EXOC6B: variants seen among roughly 807,000 people sequenced by gnomAD.
EXOC6B encodes exocyst complex component 6B.
Under a neutral mutation model 113.5 loss-of-function variants are expected in EXOC6B, and 54 were observed. The observed-to-expected ratio is 0.48, with a 90% CI of 0.38 to 0.60. The LOEUF (loss-of-function observed/expected upper bound fraction) is 0.60, where lower values mean the gene tolerates loss of function less well. Ranked by LOEUF, EXOC6B falls within the 20% of genes least tolerant of loss-of-function variation. The pLI is 0.00. For synonymous variants in EXOC6B, 357 were observed against 339.0 expected (o/e 1.05, Z -0.58); for missense variants, 797 against 977.5 (o/e 0.82, Z 2.46).
chr2:72,634,460 TC>T (rs1195137463), intron 6 of EXOC6B, among the ~76,000 whole-genome samples: 2 of 151,976 alleles, frequency 1.3e-5, no homozygotes, highest in African/African-American at 4.8e-5. Context: ...CTCCAACACA[TC>T]CCCACCTTAG....
At chr2:72,490,026 C>T (rs1276544535) in intron 16 of EXOC6B, among the ~76,000 whole-genome samples, 1 of 152,032 alleles carries the variant, frequency 6.6e-6, no homozygotes, top group Non-Finnish European at 1.5e-5. Context: ...TAGGAACTTC[C>T]AATTCCTAAG....
chr2:72,586,571 TG>T, intron 6 of EXOC6B, among the ~76,000 whole-genome samples: 2 of 152,012 alleles, frequency 1.3e-5, no homozygotes, highest in East Asian at 3.9e-4. Flanking sequence ...GTCAACATGG[TG>T]AAACCCCGTC....
In EXOC6B at chr2:72,498,544, C is replaced by A. The variant is rs1198659763; in HGVS notation, c.1247G>T (p.Gly416Val). ...VLFADTLQVYGFPVNQLFDML... is the reference protein window; with the variant it reads ...VLFADTLQVYVFPVNQLFDML... ...GTCAAAAAGCTGATTTACAGGGAAA[C>A]CATACACCTGAAACAAAATAAGAAA... Residue 416 changes from glycine (G) to valine (V), a missense_variant, in exon 13 of 22, where the codon GGT becomes GTT. Physicochemically the swap from Gly to Val is moderately radical, Grantham distance 109. Coordinates refer to ENST00000272427, the MANE Select transcript of EXOC6B (RefSeq NM_015189.3). The A allele has an allele frequency of 2.5e-6, 4 of 1,606,426 alleles. No individual in the cohort carries two copies. In the East Asian group the frequency reaches 6.7e-5, roughly 27 times the overall value.
intron 20 of EXOC6B, among the ~76,000 whole-genome samples, chr2:72,302,165 T>A (rs919287620): frequency 1.2e-4 from 19 of 152,346 alleles, no homozygotes; most frequent in African/African-American, 3.6e-4. Context: ...ATTATTTTAA[T>A]CTTGATTTCT....
intron 1 of EXOC6B, among the ~76,000 whole-genome samples, chr2:72,779,099 C>G (rs145877239): frequency 2.0e-5 from 3 of 152,040 alleles, no homozygotes; most frequent in African/African-American, 7.2e-5. Flanking sequence ...CACTTATCAT[C>G]TTGCTAAACC....
intron 4 of EXOC6B, 31 bp downstream of exon 4, chr2:72,731,124 C>A: frequency 6.3e-7 from 1 of 1,591,816 alleles, no homozygotes; most frequent in Non-Finnish European, 8.6e-7. Context: ...AAAATTACAC[C>A]AAGAATCCTT....
intron 18 of EXOC6B, among the ~76,000 whole-genome samples, chr2:72,386,480 T>C (rs2105092108): frequency 6.6e-6 from 1 of 152,162 alleles, no homozygotes; most frequent in African/African-American, 2.4e-5. Flanking sequence ...GGCCCAGAGG[T>C]TTAGGAGGAC....
At chr2:72,617,985 T>C (rs889660623) in intron 6 of EXOC6B, among the ~76,000 whole-genome samples, 5 of 152,140 alleles carry the variant, frequency 3.3e-5, no homozygotes, top group African/African-American at 1.2e-4. Context: ...GACATCTTAG[T>C]TGTTCAGTAA....
intron 1 of EXOC6B, among the ~76,000 whole-genome samples, chr2:72,761,212 A>C (rs1573752850): frequency 1.3e-5 from 2 of 152,208 alleles, no homozygotes; most frequent in East Asian, 1.9e-4. Context: ...AATTTGTTAG[A>C]TATCTACCTG....
intron 19 of EXOC6B, among the ~76,000 whole-genome samples, chr2:72,345,223 CA>C (rs898861522): frequency 4.4e-4 from 67 of 152,264 alleles, no homozygotes; most frequent in African/African-American, 1.6e-3. Flanking sequence ...TTATATCAGA[CA>C]AATTCTGCCA....
At chr2:72,223,919 T>G (rs547204218) in intron 20 of EXOC6B, among the ~76,000 whole-genome samples, 1 of 152,310 alleles carries the variant, frequency 6.6e-6, no homozygotes. Context: ...AAACAGGACA[T>G]TTTGGAATAC....
chr2:72,258,907 T>A (rs868282746), intron 20 of EXOC6B, among the ~76,000 whole-genome samples: 6 of 152,168 alleles, frequency 3.9e-5, no homozygotes, highest in Non-Finnish European at 7.4e-5. Context: ...ACACTCACCA[T>A]CTAAATCTAC....
intron 20 of EXOC6B, among the ~76,000 whole-genome samples, chr2:72,243,012 C>T (rs1319230002): frequency 6.6e-6 from 1 of 152,130 alleles, no homozygotes; most frequent in African/African-American, 2.4e-5. Context: ...AGGCATGAGC[C>T]ACTGTGCCTG....
chr2:72,807,431 G>GTA (rs1213406630), intron 1 of EXOC6B, among the ~76,000 whole-genome samples: 2 of 152,228 alleles, frequency 1.3e-5, no homozygotes, highest in East Asian at 3.9e-4. Context: ...AATCCCTGTA[G>GTA]TATAGTTTGA....
intron 18 of EXOC6B, among the ~76,000 whole-genome samples, chr2:72,406,492 T>C (rs13027388): frequency 2.2e-4 from 34 of 152,228 alleles, no homozygotes; most frequent in African/African-American, 8.2e-4. Context: ...ACAGAAATTA[T>C]AACAAACTGT....
chr2:72,505,898 A>AT (rs1046615938), intron 11 of EXOC6B, among the ~76,000 whole-genome samples: 3 of 152,114 alleles, frequency 2.0e-5, no homozygotes, highest in African/African-American at 7.2e-5. Flanking sequence ...ATGACTATAT[A>AT]TTTTTTGTTT....
At chr2:72,548,210 C>T (rs1703012242) in intron 8 of EXOC6B, among the ~76,000 whole-genome samples, 1 of 152,090 alleles carries the variant, frequency 6.6e-6, no homozygotes, top group Non-Finnish European at 1.5e-5. Flanking sequence ...TCACTTTAGT[C>T]ACCAAAGGAA....
intron 20 of EXOC6B, among the ~76,000 whole-genome samples, chr2:72,274,542 G>A (rs1573150230): frequency 6.6e-6 from 1 of 152,122 alleles, no homozygotes; most frequent in East Asian, 1.9e-4. Flanking sequence ...AAAGACAAGA[G>A]TATTTAACAC....
chr2:72,738,671 G>A (rs564022620), intron 2 of EXOC6B, among the ~76,000 whole-genome samples: 5 of 152,268 alleles, frequency 3.3e-5, no homozygotes, highest in East Asian at 3.9e-4. Flanking sequence ...ATAGAAAGAC[G>A]CACTATTGAG....
Sources: gnomAD v4.1 joint callset for allele counts (sites outside exome capture counted in the v4.1 genomes callset) on GRCh38, gnomAD v4.1.1 for gene constraint, MANE v1.5 for transcripts, NCBI Gene and HGNC (gene_info 2026-07-23, HGNC 2026-07-21) for gene names.